EXOC4: variants seen among roughly 807,000 people sequenced by gnomAD.
EXOC4 encodes the protein exocyst complex component 4, also known as SEC8-like 1.
EXOC4 carries 71 observed loss-of-function variants against 107.2 expected under a neutral mutation model. The ratio of observed to expected loss-of-function variants is 0.66; its 90% confidence interval spans 0.55 to 0.81. The LOEUF is 0.81. EXOC4 is among the 30% of genes least tolerant of loss of function. The pLI is 0.00. For missense variants in EXOC4, 1,108 were observed against 1,189.6 expected (o/e 0.93, Z 1.01); for synonymous variants, 456 against 441.2 (o/e 1.03, Z -0.42).
chr7:133,483,310 A>T (rs958978606), intron 9 of EXOC4, among the ~76,000 whole-genome samples: 2 of 152,156 alleles, frequency 1.3e-5, no homozygotes, highest in African/African-American at 4.8e-5. Flanking sequence ...GTTGAAGGCA[A>T]AGTAGAGGGT....
At position 133,386,810 on chromosome 7, in the gene EXOC4, C is replaced by T. The variant is rs139919195; in HGVS notation, c.1182+11808C>T. Among the ~76,000 whole-genome samples, 687 of 147,694 alleles carry T rather than the reference C, an allele frequency of 4.7e-3. 4 individuals carry two copies. The highest frequency in any genetic ancestry group is 8.0e-3 in the Admixed American group (119 of 14,918). On this transcript the variant is annotated intron_variant, in intron 7 of 17. Transcript: ENST00000253861. ...TAGTTGGAATTCTGCAAATGAAAGA[C>T]GTAATGAAAGGAGAGTTTTTTTTTT...
chr7:133,909,919 A>ATTTT lies in EXOC4; in HGVS notation c.1872-7643_1872-7640dup, dbSNP rs764890539. On this transcript the variant is annotated intron_variant, in intron 12 of 17. Coordinates refer to ENST00000253861, the MANE Select transcript of EXOC4 (RefSeq NM_021807.4). ...ATCTGAACATTGACGGTTGAGACAG[A>ATTTT]TTTTTTTTTTTTTTTTTTTTTTTTG... Among the ~76,000 whole-genome samples, 111 of 75,494 alleles carry ATTTT rather than the reference A, an allele frequency of 1.5e-3. 1 individual carries two copies. The highest frequency in any genetic ancestry group is 7.6e-3 in the Middle Eastern group (1 of 132). The allele number at this position is 75,494 out of a possible 152,430, so 49.5% of individuals were successfully genotyped here. A position where few individuals can be genotyped will look rare whatever the true frequency, so the allele number is the denominator to read the frequency against.
chr7:133,832,604 T>C (rs1346438673), intron 11 of EXOC4, among the ~76,000 whole-genome samples: 1 of 152,232 alleles, frequency 6.6e-6, no homozygotes, highest in Non-Finnish European at 1.5e-5. Flanking sequence ...ATGCTTAAGA[T>C]TCATTCATGG....
At chr7:133,661,687 A>C (rs928220621) in intron 10 of EXOC4, among the ~76,000 whole-genome samples, 1 of 27,776 alleles carries the variant, frequency 3.6e-5, no homozygotes, top group Non-Finnish European at 7.5e-5. Flanking sequence ...AAAAAAAAAA[A>C]ACAAAAAAAA....
intron 11 of EXOC4, among the ~76,000 whole-genome samples, chr7:133,877,843 CTG>C (rs757644969): frequency 6.6e-6 from 1 of 152,182 alleles, no homozygotes; most frequent in African/African-American, 2.4e-5. Context: ...CCACAGTAGA[CTG>C]TAGCTGCCTT....
chr7:133,449,615 T>C (rs1473104033), intron 7 of EXOC4, among the ~76,000 whole-genome samples: 1 of 152,186 alleles, frequency 6.6e-6, no homozygotes, highest in African/African-American at 2.4e-5. Flanking sequence ...AGTTCCTTAT[T>C]CTATCTGTAT....
intron 9 of EXOC4, among the ~76,000 whole-genome samples, chr7:133,532,159 G>A (rs1207769171): frequency 1.3e-5 from 2 of 152,012 alleles, no homozygotes; most frequent in African/African-American, 2.4e-5. Flanking sequence ...TTTAGATAAG[G>A]AATGCTCAGT....
intron 9 of EXOC4, among the ~76,000 whole-genome samples, chr7:133,621,981 A>G (rs1239295408): frequency 2.0e-5 from 3 of 152,008 alleles, no homozygotes; most frequent in Non-Finnish European, 4.4e-5. Context: ...CTGTCTGTCC[A>G]TCCATCCAAT....
At position 133,588,431 on chromosome 7, in the gene EXOC4, T is replaced by C. The variant is rs76402445; in HGVS notation, c.1418-41614T>C. ...GTTTGCTTATTTGTGGTTTTCTGTT[T>C]AGTGGTTAATAATTTGCTTACCATT... On this transcript the variant is annotated intron_variant, in intron 9 of 17. Coordinates refer to ENST00000253861, the MANE Select transcript of EXOC4 (RefSeq NM_021807.4). Among the ~76,000 whole-genome samples, 370 of 152,340 alleles carry C rather than the reference T, an allele frequency of 2.4e-3. 5 individuals carry two copies. The highest frequency in any genetic ancestry group is 8.3e-3 in the African/African-American group (347 of 41,582).
chr7:133,592,258 G>C (rs926831240), intron 9 of EXOC4, among the ~76,000 whole-genome samples: 1 of 152,032 alleles, frequency 6.6e-6, no homozygotes, highest in African/African-American at 2.4e-5. Context: ...TATAGATGGG[G>C]TCTTGCCATG....
chr7:133,727,903 A>G (rs371502146), intron 10 of EXOC4, among the ~76,000 whole-genome samples: 2 of 152,256 alleles, frequency 1.3e-5, no homozygotes, highest in South Asian at 4.1e-4. Flanking sequence ...AATTATTTAC[A>G]TTGAAAGGAT....
At chr7:133,405,229 G>T (rs529562000) in intron 7 of EXOC4, among the ~76,000 whole-genome samples, 2 of 151,930 alleles carry the variant, frequency 1.3e-5, no homozygotes, top group African/African-American at 4.8e-5. Flanking sequence ...TGTATGTAGA[G>T]CAAATATCAA....
intron 10 of EXOC4, among the ~76,000 whole-genome samples, chr7:133,703,401 TA>T (rs1358073153): frequency 1.3e-5 from 2 of 152,282 alleles, no homozygotes; most frequent in East Asian, 1.9e-4. Flanking sequence ...AATTCACATT[TA>T]GGGGGAGTAT....
At chr7:134,019,637 A>G (rs1031748903) in intron 17 of EXOC4, among the ~76,000 whole-genome samples, 1 of 152,248 alleles carries the variant, frequency 6.6e-6, no homozygotes, top group Non-Finnish European at 1.5e-5. Flanking sequence ...CCTAGTTTAC[A>G]TAAGAAGAGA....
At chr7:133,870,210 T>C (rs1798723526) in intron 11 of EXOC4, among the ~76,000 whole-genome samples, 1 of 152,054 alleles carries the variant, frequency 6.6e-6, no homozygotes, top group African/African-American at 2.4e-5. Flanking sequence ...AGGCAGCAGG[T>C]TTTCCATTAA....
chr7:133,879,557 A>C (rs1377792020), intron 11 of EXOC4, among the ~76,000 whole-genome samples: 1 of 152,212 alleles, frequency 6.6e-6, no homozygotes, highest in Non-Finnish European at 1.5e-5. Context: ...TTGTTTTAAT[A>C]GCCACCTTAA....
chr7:133,998,166 C>T (rs1464520773), intron 15 of EXOC4, among the ~76,000 whole-genome samples: 1 of 152,052 alleles, frequency 6.6e-6, no homozygotes, highest in Non-Finnish European at 1.5e-5. Flanking sequence ...TTTTAGTTAA[C>T]CCAGTATATC....
intron 7 of EXOC4, among the ~76,000 whole-genome samples, chr7:133,402,522 G>T (rs538885427): frequency 6.6e-6 from 1 of 152,206 alleles, no homozygotes; most frequent in Non-Finnish European, 1.5e-5. Context: ...TTTTTGAGAC[G>T]GAGTCTTGCT....
At chr7:133,253,642 C>G (rs1794945231) in intron 1 of EXOC4, 2 of 423,506 alleles carry the variant, frequency 4.7e-6, no homozygotes, top group Non-Finnish European at 6.3e-6. Flanking sequence ...TTTTCACACT[C>G]TGGATACTTT....
Sources: gnomAD v4.1 joint callset for allele counts (sites outside exome capture counted in the v4.1 genomes callset) on GRCh38, gnomAD v4.1.1 for gene constraint, MANE v1.5 for transcripts, NCBI Gene and HGNC (gene_info 2026-07-23, HGNC 2026-07-21) for gene names.